NRCAM: variants seen among roughly 807,000 people sequenced by gnomAD.
NRCAM encodes neuronal cell adhesion molecule.
A neutral mutation model predicts 156.5 loss-of-function variants in NRCAM; 83 were observed. The ratio of observed to expected loss-of-function variants is 0.53; its 90% confidence interval spans 0.44 to 0.64. The LOEUF is 0.64. Ranked by LOEUF, NRCAM falls within the 30% of genes least tolerant of loss-of-function variation. The pLI is 0.00. For missense variants in NRCAM, 1,417 were observed against 1,597.3 expected (o/e 0.89, Z 1.92); for synonymous variants, 538 against 563.9 (o/e 0.95, Z 0.65).
At chr7:108,360,212 C>G (rs2099539922) in intron 2 of NRCAM, among the ~76,000 whole-genome samples, 1 of 151,954 alleles carries the variant, frequency 6.6e-6, no homozygotes, top group Admixed American at 6.6e-5. Context: ...GGCTACAAAT[C>G]TAGTCAATTA....
At chr7:108,344,390 G>A (rs1416206975) in intron 2 of NRCAM, among the ~76,000 whole-genome samples, 3 of 152,054 alleles carry the variant, frequency 2.0e-5, no homozygotes, top group East Asian at 1.9e-4. Flanking sequence ...GACAATGATC[G>A]GGATATAAAC....
chr7:108,190,804 A>G (rs1343232146), intron 19 of NRCAM, among the ~76,000 whole-genome samples: 1 of 152,136 alleles, frequency 6.6e-6, no homozygotes, highest in Admixed American at 6.6e-5. Context: ...CTAAACATCT[A>G]TTTTTCCCCA....
intron 3 of NRCAM, among the ~76,000 whole-genome samples, chr7:108,296,266 C>T (rs963582222): frequency 9.2e-5 from 14 of 152,144 alleles, no homozygotes; most frequent in African/African-American, 3.1e-4. Context: ...CTCTTCCAAT[C>T]GTGCACATTT....
At chr7:108,300,866 T>TA (rs2098595903) in intron 3 of NRCAM, among the ~76,000 whole-genome samples, 1 of 152,168 alleles carries the variant, frequency 6.6e-6, no homozygotes, top group Admixed American at 6.5e-5. Context: ...GAAAGCTTTT[T>TA]AAAAAAATTA....
At chr7:108,330,628 C>T (rs2300022) in intron 2 of NRCAM, among the ~76,000 whole-genome samples, 46,348 of 151,934 alleles carry the variant, frequency 0.31, 7,279 homozygotes, top group African/African-American at 0.36. Context: ...TGTCATTTTA[C>T]GACAAGAATG....
At chr7:108,303,035 C>T (rs1192589332) in intron 3 of NRCAM, among the ~76,000 whole-genome samples, 1 of 152,150 alleles carries the variant, frequency 6.6e-6, no homozygotes, top group Non-Finnish European at 1.5e-5. Context: ...CATCTTGGCT[C>T]ACTGCAACCT....
chr7:108,326,926 T>C (rs1047777619), intron 2 of NRCAM, among the ~76,000 whole-genome samples: 1 of 152,242 alleles, frequency 6.6e-6, no homozygotes, highest in Non-Finnish European at 1.5e-5. Context: ...CCATGTATCA[T>C]GCTGCCCTTA....
At position 108,153,887 on chromosome 7, in the gene NRCAM, G is replaced by A. The variant is rs747272878; in HGVS notation, c.3678-3740C>T. Among the ~76,000 whole-genome samples, 9 of 152,102 alleles carry A rather than the reference G, an allele frequency of 5.9e-5. No homozygotes were observed. The East Asian group carries it at 7.7e-4, about 13-fold the overall frequency. On this transcript the variant is annotated intron_variant, in intron 32 of 32. Coordinates refer to ENST00000379028, the MANE Select transcript of NRCAM (RefSeq NM_001037132.4). ...CAACAAAAATATGTGTAAGACCTCC[G>A]AAGAAAATAAAACTTTCAGAGTTAT...
intron 11 of NRCAM, among the ~76,000 whole-genome samples, chr7:108,221,408 T>C (rs1033919586): frequency 7.2e-5 from 11 of 152,218 alleles, no homozygotes; most frequent in South Asian, 2.1e-4. Flanking sequence ...CGCATGTTTA[T>C]AGCATCACAG....
rs180749874 is a variant in NRCAM, at chr7:108,218,176, G to C, written c.890+5549C>G. Among the ~76,000 whole-genome samples the C allele has an allele frequency of 4.0e-4, 52 of 130,278 alleles. 1 individual carries two copies. Among genetic ancestry groups the C allele is most frequent in the East Asian group, 1.2e-3 (6 of 4,878 alleles). 85.5% of individuals were successfully genotyped at this position (130,278 alleles called of 152,430 possible). The stretch of plus-strand genomic sequence containing the variant: ...GTCCCTCACGGCTTCCCTTGGCTGG[G>C]GGGGGGGGGGAGTTCCCCGACCCCT... On this transcript the variant is annotated intron_variant, in intron 11 of 32. Transcript: ENST00000379028.
At position 108,214,918 on chromosome 7, in the gene NRCAM, T is replaced by A. The variant is rs2087103200; in HGVS notation, c.891-5313A>T. Reference sequence around the variant, plus strand: ...ATGTAGTTGTGTGGTTTTGAATGAGTTTCTCAATCCTGAGTTCTAATTTGA... The same window carrying A: ...ATGTAGTTGTGTGGTTTTGAATGAGATTCTCAATCCTGAGTTCTAATTTGA... On this transcript the variant is annotated intron_variant, in intron 11 of 32. Coordinates refer to ENST00000379028, the MANE Select transcript of NRCAM (RefSeq NM_001037132.4). 2.6e-5 allele frequency among the ~76,000 whole-genome samples: 4 copies of A among 152,204 alleles called. 1 individual carries two copies. In the South Asian group the frequency reaches 8.3e-4, roughly 32 times the overall value.
intron 20 of NRCAM, among the ~76,000 whole-genome samples, chr7:108,188,268 C>T (rs1053436738): frequency 2.0e-5 from 3 of 152,136 alleles, no homozygotes; most frequent in African/African-American, 7.2e-5. Flanking sequence ...CCCCAAGGAG[C>T]ATGGCCTCAC....
Position 108,176,293 on chromosome 7 carries a change from A to G in NRCAM, c.3151+137T>C, listed in dbSNP as rs570860144. On this transcript the variant is annotated intron_variant, in intron 27 of 32. Transcript: ENST00000379028. ...AACTAAATAGCTGATTATATATCAG[A>G]ATGAGAAATTACAAATAAGTGTTTG... 28 of 721,940 alleles carry G rather than the reference A, an allele frequency of 3.9e-5. No individual in the cohort carries two copies. The South Asian group carries it at 4.9e-4, about 13-fold the overall frequency. The allele number at this position is 721,940 out of a possible 1,614,324, so 44.7% of individuals were successfully genotyped here.
Position 108,189,699 on chromosome 7 carries a change from T to C in NRCAM, c.1981A>G (p.Lys661Glu), listed in dbSNP as rs760368318. ...GGGGTCCATGACAGCTGAACACTTT[T>C]GTCAAGTTGATCTGTCAGTTCTAAG... ...FDLELTDQLD[K>E]SVQLSWTPGD... Residue 661 changes from lysine to glutamate, a missense_variant, in exon 20 of 33, where the codon AAA becomes GAA. Around this residue, in one of 2 missense-constraint regions of NRCAM, gnomAD observed 1,238 missense variants for 1,336.4 expected, o/e 0.93. Transcript: ENST00000379028. The C allele has an allele frequency of 9.0e-6, 14 of 1,563,174 alleles. No homozygotes were observed. Among genetic ancestry groups the C allele is most frequent in the African/African-American group, 1.4e-5 (1 of 73,832 alleles).
intron 3 of NRCAM, among the ~76,000 whole-genome samples, chr7:108,287,388 G>A (rs1311734820): frequency 6.6e-6 from 1 of 151,926 alleles, no homozygotes; most frequent in Non-Finnish European, 1.5e-5. Flanking sequence ...AGAGTAAACA[G>A]ACAACCTACA....
intron 1 of NRCAM, among the ~76,000 whole-genome samples, chr7:108,446,658 C>A (rs959590152): frequency 5.3e-5 from 8 of 152,050 alleles, no homozygotes; most frequent in African/African-American, 1.9e-4. Flanking sequence ...AGACTCGGCC[C>A]CTCAATGTTA....
At chr7:108,192,288 C>T (rs1041497587) in intron 17 of NRCAM, among the ~76,000 whole-genome samples, 1 of 152,066 alleles carries the variant, frequency 6.6e-6, no homozygotes, top group African/African-American at 2.4e-5. Context: ...AAGGTGAACC[C>T]TATTGTGAAC....
intron 13 of NRCAM, among the ~76,000 whole-genome samples, chr7:108,204,242 C>T (rs554739665): frequency 6.6e-6 from 1 of 152,208 alleles, no homozygotes; most frequent in Non-Finnish European, 1.5e-5. Context: ...CTGCACCCCC[C>T]TCATTCTCTC....
intron 2 of NRCAM, chr7:108,328,659 A>T (rs957666102): frequency 6.6e-6 from 1 of 152,194 alleles, no homozygotes; most frequent in Non-Finnish European, 1.5e-5. Flanking sequence ...ATACAATGGG[A>T]GTTAAACATT....
Sources: gnomAD v4.1 joint callset for allele counts (sites outside exome capture counted in the v4.1 genomes callset) on GRCh38, gnomAD v4.1.1 for gene constraint, gnomAD v4.1.1 regional missense constraint, MANE v1.5 for transcripts, NCBI Gene and HGNC (gene_info 2026-07-23, HGNC 2026-07-21) for gene names.